TXNRD1: variants seen among roughly 807,000 people sequenced by gnomAD.
The protein encoded by TXNRD1 is thioredoxin reductase 1, also known as thioredoxin reductase 1, cytoplasmic.
TXNRD1 carries 57 observed loss-of-function variants against 80.3 expected under a neutral mutation model. The ratio of observed to expected loss-of-function variants is 0.71; its 90% CI spans 0.57 to 0.89. The LOEUF is 0.89. Ranked by LOEUF, TXNRD1 falls within the 40% of genes least tolerant of loss-of-function variation. TXNRD1 has a pLI of 0.00. For synonymous variants in TXNRD1, 291 were observed against 285.2 expected (o/e 1.02, Z -0.20); for missense variants, 730 against 803.0 (o/e 0.91, Z 1.10).
At chr12:104,304,056 G>A in intron 4 of TXNRD1, 2 of 1,613,846 alleles carry the variant, frequency 1.2e-6, no homozygotes, top group Non-Finnish European at 1.7e-6. Flanking sequence ...CGCAGCATCC[G>A]CAGGCAGTAC....
At position 104,339,213 on chromosome 12, in the gene TXNRD1, A is replaced by T. The variant is rs757460912; in HGVS notation, c.1821A>T (p.Lys607Asn). 6.2e-7 allele frequency: 1 copy of T among 1,614,010 alleles called. No homozygotes were observed. Residue 607 changes from lysine to asparagine, a missense_variant, in exon 16 of 17, where the codon AAA becomes AAT. By Grantham distance (94) the Lys-to-Asn change is moderately conservative. Transcript: ENST00000525566. ...EVTQGFAAAL[K>N]CGLTKKQLDS... is the part of the protein sequence containing the mutation. ...CACAAGGCTTTGCAGCTGCGCTCAA[A>T]TGTGGACTGACCAAAAAGCAGCTGG...
At chr12:104,310,957 C>T (rs1220520845) in intron 4 of TXNRD1, among the ~76,000 whole-genome samples, 1 of 152,076 alleles carries the variant, frequency 6.6e-6, no homozygotes, top group Non-Finnish European at 1.5e-5. Context: ...TTACCAAGCC[C>T]CTATCTTTAA....
At position 104,315,908 on chromosome 12, in the gene TXNRD1, A is replaced by T. The variant is rs777792347; in HGVS notation, c.730+12A>T. The T allele has an allele frequency of 6.2e-7, 1 of 1,605,998 alleles. No homozygotes were observed. The highest frequency in any genetic ancestry group is 8.5e-7 in the Non-Finnish European group (1 of 1,174,886). On this transcript the variant is annotated intron_variant, in intron 7 of 16. Coordinates refer to ENST00000525566, the MANE Select transcript of TXNRD1 (RefSeq NM_001093771.3). Reference sequence around the variant, plus strand: ...AGTCGAGGAGACAGGTATGAGAGGGAAAAGCTACTCTTCTGTTTGTGCTTT... The same window carrying T: ...AGTCGAGGAGACAGGTATGAGAGGGTAAAGCTACTCTTCTGTTTGTGCTTT...
At chr12:104,316,629 T>G (rs1046500550) in intron 7 of TXNRD1, among the ~76,000 whole-genome samples, 4 of 152,176 alleles carry the variant, frequency 2.6e-5, no homozygotes, top group African/African-American at 9.6e-5. Flanking sequence ...GACCTCATGA[T>G]CCACCTGCCT....
At chr12:104,220,366 G>T (rs1335429723) in intron 1 of TXNRD1, among the ~76,000 whole-genome samples, 1 of 152,152 alleles carries the variant, frequency 6.6e-6, no homozygotes, top group African/African-American at 2.4e-5. Context: ...TTTCACATTT[G>T]AATGTTTACT....
At chr12:104,347,952 C>T (rs2036546534) in intron 16 of TXNRD1, among the ~76,000 whole-genome samples, 1 of 152,076 alleles carries the variant, frequency 6.6e-6, no homozygotes, top group Admixed American at 6.6e-5. Flanking sequence ...AAGACCAACT[C>T]GGTGGAGGGA....
At chr12:104,250,038 C>T (rs989488302) in intron 1 of TXNRD1, among the ~76,000 whole-genome samples, 42 of 151,462 alleles carry the variant, frequency 2.8e-4, no homozygotes, top group Admixed American at 2.0e-3. Flanking sequence ...TTTATTAACA[C>T]CATTTAAATA....
At chr12:104,231,430 T>C (rs2032622751) in intron 1 of TXNRD1, among the ~76,000 whole-genome samples, 1 of 152,168 alleles carries the variant, frequency 6.6e-6, no homozygotes, top group Non-Finnish European at 1.5e-5. Flanking sequence ...TGATTTATAG[T>C]ATTGAGAATA....
chr12:104,342,878 T>C (rs1373196374), intron 16 of TXNRD1, among the ~76,000 whole-genome samples: 1 of 152,072 alleles, frequency 6.6e-6, no homozygotes, highest in Non-Finnish European at 1.5e-5. Context: ...GATCCAGTTA[T>C]GTGGCTGGTG....
chr12:104,337,255 G>A (rs572184436), intron 15 of TXNRD1, among the ~76,000 whole-genome samples: 1 of 151,934 alleles, frequency 6.6e-6, no homozygotes, highest in South Asian at 2.1e-4. Flanking sequence ...ATATGTGTAA[G>A]AGTACCATAT....
At chr12:104,228,892 G>T (rs955139904) in intron 1 of TXNRD1, among the ~76,000 whole-genome samples, 14 of 151,286 alleles carry the variant, frequency 9.3e-5, no homozygotes, top group Non-Finnish European at 1.9e-4. Flanking sequence ...GCTAATTTTT[G>T]GTATTTTTAG....
rs764185102 is a variant in TXNRD1, at chr12:104,288,789, G to C, written c.305-142G>C. On this transcript the variant is annotated intron_variant, in intron 3 of 16. Transcript: ENST00000525566. Reference sequence around the variant, plus strand: ...CTAGCCTTTGTCAGAAATGCAGCAAGTCATGCTAACTTGCAAGGGAGTCAA... The same window carrying C: ...CTAGCCTTTGTCAGAAATGCAGCAACTCATGCTAACTTGCAAGGGAGTCAA... 4 of 1,566,218 alleles carry C rather than the reference G, an allele frequency of 2.6e-6. No individual in the cohort carries two copies. In the African/African-American group the frequency reaches 5.4e-5, roughly 21 times the overall value.
At chr12:104,330,864 A>G (rs1277942364) in intron 13 of TXNRD1, among the ~76,000 whole-genome samples, 2 of 152,164 alleles carry the variant, frequency 1.3e-5, no homozygotes, top group Non-Finnish European at 2.9e-5. Flanking sequence ...CTCGGATTAC[A>G]GGTGTGAGCC....
chr12:104,299,732 A>G (rs1334864029), intron 4 of TXNRD1, among the ~76,000 whole-genome samples: 2 of 145,960 alleles, frequency 1.4e-5, no homozygotes, highest in African/African-American at 5.1e-5. Flanking sequence ...GTGCCATTGC[A>G]CTCCAGCCTG....
At chr12:104,283,525 C>T (rs985898136) in intron 3 of TXNRD1, among the ~76,000 whole-genome samples, 8 of 151,496 alleles carry the variant, frequency 5.3e-5, no homozygotes, top group African/African-American at 1.9e-4. Context: ...GTTGGGATTT[C>T]AGCCGTGAGC....
intron 15 of TXNRD1, among the ~76,000 whole-genome samples, chr12:104,336,915 AT>A (rs2036157727): frequency 6.7e-6 from 1 of 148,414 alleles, no homozygotes. Context: ...TTCTCACACA[AT>A]GTAGATACCA....
chr12:104,265,259 A>G (rs2033451481), intron 3 of TXNRD1: 3 of 1,509,818 alleles, frequency 2.0e-6, no homozygotes, highest in East Asian at 4.8e-5. Context: ...TTAAAAAAAA[A>G]AAAAAAAAAA....
intron 6 of TXNRD1, among the ~76,000 whole-genome samples, chr12:104,315,478 A>G (rs930489926): frequency 2.0e-5 from 3 of 152,168 alleles, no homozygotes; most frequent in Admixed American, 6.5e-5. Context: ...ACATAGTAAG[A>G]TTTCAATTTC....
intron 2 of TXNRD1, 89 bp from the exon 3 acceptor site, chr12:104,257,930 G>C: frequency 1.0e-6 from 1 of 977,466 alleles, no homozygotes; most frequent in Non-Finnish European, 1.5e-6. Flanking sequence ...GGCTGGTTGA[G>C]GAAGGAAGTA....
Sources: gnomAD v4.1 joint callset for allele counts (sites outside exome capture counted in the v4.1 genomes callset) on GRCh38, gnomAD v4.1.1 for gene constraint, MANE v1.5 for transcripts, NCBI Gene and HGNC (gene_info 2026-07-23, HGNC 2026-07-21) for gene names.